CACNA2D2: variants seen among roughly 807,000 people sequenced by gnomAD.
The protein encoded by CACNA2D2 is voltage-dependent calcium channel subunit alpha-2/delta-2.
In CACNA2D2, 48 loss-of-function variants were observed where a neutral mutation model predicts 166.4. That is an observed-to-expected ratio of 0.29 (90% CI 0.23 to 0.37). The LOEUF (loss-of-function observed/expected upper bound fraction) is 0.37, where lower values mean the gene tolerates loss of function less well. Among genes scored for constraint, CACNA2D2 ranks in the 10% least tolerant of loss-of-function variants. The pLI, the probability that CACNA2D2 is intolerant of heterozygous loss-of-function variation, is 1.00. For missense variants in CACNA2D2, 1,122 were observed against 1,433.0 expected (o/e 0.78, Z 3.50); for synonymous variants, 561 against 573.7 (o/e 0.98, Z 0.32).
chr3:50,483,454 T>A (rs1361024322), intron 1 of CACNA2D2, among the ~76,000 whole-genome samples: 1 of 152,244 alleles, frequency 6.6e-6, no homozygotes, highest in Non-Finnish European at 1.5e-5. Context: ...GGGCTATCCC[T>A]TCCCTTTCTT....
At position 50,500,251 on chromosome 3, in the gene CACNA2D2, G is replaced by GT. The variant is rs1553758557; in HGVS notation, c.206+2966_206+2967insA. On this transcript the variant is annotated intron_variant, in intron 1 of 37. Transcript: ENST00000424201. ...ACCCCTCAGGCCCCTCACTGCTTCT[G>GT]CCCACCCTCAGAGGAAGGGAGACGC... Among the ~76,000 whole-genome samples, 10 of 152,130 alleles carry GT rather than the reference G, an allele frequency of 6.6e-5. No individual in the cohort carries two copies. The South Asian group carries it at 2.1e-3, about 32-fold the overall frequency.
chr3:50,479,775 G>T (rs182358492), intron 1 of CACNA2D2, among the ~76,000 whole-genome samples: 1 of 152,298 alleles, frequency 6.6e-6, no homozygotes, highest in Admixed American at 6.5e-5. Context: ...ACTTCCCTCT[G>T]CTTGGAATCA....
intron 3 of CACNA2D2, among the ~76,000 whole-genome samples, chr3:50,414,074 G>A (rs1171903895): frequency 4.6e-5 from 7 of 152,074 alleles, no homozygotes; most frequent in African/African-American, 1.7e-4. Flanking sequence ...ACCTTGCAGT[G>A]CAGGGACAGA....
In CACNA2D2 at chr3:50,427,177, G is replaced by C. The variant is rs975057688; in HGVS notation, c.405+7136C>G. ...CTCTGACTCCCATTCCTTGGTGGTCGCTCTGCCACCGCATGCTCCCTGGTT... is the reference window on the plus strand; with the variant it reads ...CTCTGACTCCCATTCCTTGGTGGTCCCTCTGCCACCGCATGCTCCCTGGTT... On this transcript the variant is annotated intron_variant, in intron 3 of 37. Coordinates refer to ENST00000424201, the MANE Select transcript of CACNA2D2 (RefSeq NM_006030.4). The surrounding 1 kb of genome is among the most constrained non-coding windows in gnomAD (Gnocchi z 4.7). Among the ~76,000 whole-genome samples, 1 of 152,188 alleles carries C rather than the reference G, an allele frequency of 6.6e-6. No individual in the cohort carries two copies. The highest frequency in any genetic ancestry group is 2.4e-5 in the African/African-American group (1 of 41,448).
chr3:50,442,653 G>C lies in CACNA2D2; in HGVS notation c.289-8224C>G, dbSNP rs192637101. Among the ~76,000 whole-genome samples, 763 of 152,228 alleles carry C rather than the reference G, an allele frequency of 5.0e-3. 13 individuals are homozygous for C. The highest frequency in any genetic ancestry group is 0.017 in the African/African-American group (710 of 41,524). On this transcript the variant is annotated intron_variant, in intron 2 of 37. Transcript: ENST00000424201. ...GAGGCATGGAGACCCACATATCCCA[G>C]GGCCCATGGGGCACTGGCTCCCTGC...
At chr3:50,406,539 C>T (rs1706720624) in intron 3 of CACNA2D2, among the ~76,000 whole-genome samples, 3 of 151,612 alleles carry the variant, frequency 2.0e-5, no homozygotes, top group African/African-American at 7.3e-5. Context: ...CACTGTTGTT[C>T]CCCCCACTTA....
At chr3:50,419,170 C>T (rs2094205064) in intron 3 of CACNA2D2, among the ~76,000 whole-genome samples, 1 of 152,170 alleles carries the variant, frequency 6.6e-6, no homozygotes, top group African/African-American at 2.4e-5. Context: ...CAAGAGGCAT[C>T]ATGGTATCAT....
At chr3:50,418,101 C>T (rs879336716) in intron 3 of CACNA2D2, among the ~76,000 whole-genome samples, 1 of 152,068 alleles carries the variant, frequency 6.6e-6, no homozygotes, top group Non-Finnish European at 1.5e-5. Context: ...TCCTATTGGC[C>T]CAAAGAGACC....
rs10575478 is a variant in CACNA2D2 at position 50,363,466 on chromosome 3, C to CTG, written c.*1198_*1199dup. ...GTGAAGAGCTGTGCCCAGTCCCCAC[C>CTG]TGTGTGTGTGTGTGTGTGTGTGTGT... On this transcript the variant is annotated 3_prime_UTR_variant, in exon 38 of 38. Transcript: ENST00000424201. 5.7e-3 allele frequency: 2,008 copies of CTG among 351,734 alleles called. 1 individual carries two copies. Among genetic ancestry groups the CTG allele is most frequent in the African/African-American group, 0.01 (417 of 41,032 alleles). 21.8% of individuals were successfully genotyped at this position (351,734 alleles called of 1,614,324 possible). A position where few individuals can be genotyped will look rare whatever the true frequency, so the allele number is the denominator to read the frequency against.
intron 2 of CACNA2D2, among the ~76,000 whole-genome samples, chr3:50,463,369 A>G (rs1224284620): frequency 2.0e-5 from 3 of 151,728 alleles, no homozygotes; most frequent in Non-Finnish European, 4.4e-5. Context: ...AGGCACAATC[A>G]CAGGTCATTG....
chr3:50,451,574 C>A (rs998499939), intron 2 of CACNA2D2, among the ~76,000 whole-genome samples: 4 of 152,182 alleles, frequency 2.6e-5, no homozygotes, highest in Non-Finnish European at 4.4e-5. Flanking sequence ...CTCTGCATGC[C>A]CCTCCACTAT....
chr3:50,381,840 G>A (rs1239478695), intron 6 of CACNA2D2, among the ~76,000 whole-genome samples: 4 of 152,130 alleles, frequency 2.6e-5, no homozygotes, highest in South Asian at 2.1e-4. Context: ...GGGCACACAC[G>A]TTCATGCCTA....
At position 50,379,909 on chromosome 3, in the gene CACNA2D2, A is replaced by C; in HGVS notation, c.893+59T>G. On this transcript the variant is annotated intron_variant, in intron 9 of 37. Coordinates refer to ENST00000424201, the MANE Select transcript of CACNA2D2 (RefSeq NM_006030.4). This position sits in a 1 kb window ranked among gnomAD's most constrained non-coding sequence, Gnocchi z 6.5. The stretch of plus-strand genomic sequence containing the variant: ...CATCCCCCAAGATGTTCAGGGCAGC[A>C]GAGTCTAGCCCATTGCCCGTCCCTG... The C allele has an allele frequency of 6.2e-7, 1 of 1,612,808 alleles. No homozygotes were observed.
At chr3:50,467,448 G>A (rs1197204705) in intron 2 of CACNA2D2, among the ~76,000 whole-genome samples, 1 of 152,192 alleles carries the variant, frequency 6.6e-6, no homozygotes, top group East Asian at 1.9e-4. Flanking sequence ...TCCCTTTTCA[G>A]TCCTCAGAGC....
chr3:50,386,076 G>T (rs776986255), intron 5 of CACNA2D2, among the ~76,000 whole-genome samples: 1 of 152,106 alleles, frequency 6.6e-6, no homozygotes, highest in Non-Finnish European at 1.5e-5. Flanking sequence ...ACAAGCAGGG[G>T]AGTTGGAAAA....
In CACNA2D2 at chr3:50,367,082, T is replaced by C. The variant is rs367921195; in HGVS notation, c.2429A>G (p.Asn810Ser). ...GCTGACGAGGATGCCCACAGTGTCA[T>C]TCTCCAGCTCCAGCGGCCTTAACAG... ...DALLRPLELE[N>S]DTVGILVSTA... The change falls in exon 28 of 38, where the codon AAT becomes AGT. Residue 810 changes from asparagine (N) to serine (S), a missense_variant. This residue lies in a region of CACNA2D2 where 840 missense variants were observed against 1,166.8 expected (regional missense o/e 0.72). Coordinates refer to ENST00000424201, the MANE Select transcript of CACNA2D2 (RefSeq NM_006030.4). The surrounding 1 kb of genome is among the most constrained non-coding windows in gnomAD (Gnocchi z 6.5). The C allele has an allele frequency of 9.3e-6, 15 of 1,613,514 alleles. No homozygotes were observed. Among genetic ancestry groups the C allele is most frequent in the Admixed American group, 6.7e-5 (4 of 60,000 alleles).
chr3:50,490,170 G>A (rs943227209), intron 1 of CACNA2D2, among the ~76,000 whole-genome samples: 2 of 152,198 alleles, frequency 1.3e-5, no homozygotes, highest in African/African-American at 4.8e-5. Context: ...GGGAAGCCAG[G>A]TGATCTCCCT....
At position 50,365,307 on chromosome 3, in the gene CACNA2D2, C is replaced by G. The variant is rs372572141; in HGVS notation, c.3098+49G>C. On this transcript the variant is annotated intron_variant, in intron 35 of 37. Coordinates refer to ENST00000424201, the MANE Select transcript of CACNA2D2 (RefSeq NM_006030.4). This position sits in a 1 kb window ranked among gnomAD's most constrained non-coding sequence, Gnocchi z 4.5. Reference sequence around the variant, plus strand: ...TTCCATCCTCCCGAGCGTCTCGCCCCGCTCACAGGTTCCGCCCTTGGCCTC... The same window carrying G: ...TTCCATCCTCCCGAGCGTCTCGCCCGGCTCACAGGTTCCGCCCTTGGCCTC... 2 of 1,604,254 alleles carry G rather than the reference C, an allele frequency of 1.2e-6. No homozygotes were observed. Among genetic ancestry groups the G allele is most frequent in the Middle Eastern group, 1.7e-4 (1 of 6,010 alleles).
In CACNA2D2 at chr3:50,376,459, G is replaced by A. The variant is rs1280511019; in HGVS notation, c.1627-271C>T. Among the ~76,000 whole-genome samples, 1 of 152,102 alleles carries A rather than the reference G, an allele frequency of 6.6e-6. No homozygotes were observed. The highest frequency in any genetic ancestry group is 1.9e-4 in the East Asian group (1 of 5,176). ...CATCCTCTCCCCCTGGTTCTCATGA[G>A]CTGTCAGTTGTCCTGACCTCTCTGC... On this transcript the variant is annotated intron_variant, in intron 17 of 37. Transcript: ENST00000424201. This position sits in a 1 kb window ranked among gnomAD's most constrained non-coding sequence, Gnocchi z 4.3.
Sources: allele counts gnomAD v4.1 joint callset (sites outside exome capture counted in the v4.1 genomes callset), GRCh38; gene constraint gnomAD v4.1.1; regional missense constraint gnomAD v4.1.1; non-coding constraint Gnocchi (gnomAD v3.1); transcripts MANE v1.5; gene names NCBI Gene and HGNC (gene_info 2026-07-23, HGNC 2026-07-21).